LAMA4: variants seen among roughly 807,000 people sequenced by gnomAD.
LAMA4 encodes laminin subunit alpha-4.
A neutral mutation model predicts 207.1 loss-of-function variants in LAMA4; 127 were observed. The ratio of observed to expected loss-of-function variants is 0.61; its 90% CI spans 0.53 to 0.71. LAMA4 has a LOEUF of 0.71. Among genes scored for constraint, LAMA4 ranks in the 30% least tolerant of loss-of-function variants. The pLI is 0.00. For missense variants in LAMA4, 2,093 were observed against 2,246.5 expected, an observed-to-expected ratio of 0.93 and a Z score of 1.38; for synonymous variants, 761 against 816.0, an observed-to-expected ratio of 0.93 and a Z score of 1.15.
chr6:112,149,139 T>C (rs1264234604), intron 17 of LAMA4, among the ~76,000 whole-genome samples: 3 of 136,926 alleles, frequency 2.2e-5, no homozygotes, highest in Non-Finnish European at 3.1e-5. Flanking sequence ...CTTAATTTAA[T>C]AATATATAAA....
chr6:112,202,390 C>T (rs1783802079), intron 4 of LAMA4, among the ~76,000 whole-genome samples: 1 of 151,976 alleles, frequency 6.6e-6, no homozygotes, highest in African/African-American at 2.4e-5. Flanking sequence ...GGGTTATGGT[C>T]TCCACGTGTT....
At position 112,130,300 on chromosome 6, in the gene LAMA4, T is replaced by TGTGTG. The variant is rs59700559; in HGVS notation, c.3969-261_3969-260insCACAC. ...AGATGACTAGTCATCAGCATTATTT[T>TGTGTG]TGTGTGTGTGTGTGTGTGTGTGTGT... On this transcript the variant is annotated intron_variant, in intron 29 of 38. Transcript: ENST00000230538. The TGTGTG allele has an allele frequency of 0.011, 4,186 of 382,114 alleles. 147 individuals are homozygous for TGTGTG. The highest frequency in any genetic ancestry group is 0.081 in the African/African-American group (3,773 of 46,702). 23.7% of individuals were successfully genotyped at this position (382,114 alleles called of 1,614,324 possible).
chr6:112,144,861 C>G lies in LAMA4; in HGVS notation c.2426G>C (p.Ser809Thr). The change falls in exon 19 of 39, where the codon AGC becomes ACC. Residue 809 changes from serine to threonine, a missense_variant. This residue lies in a region of LAMA4 where 1,704 missense variants were observed against 1,788.4 expected (regional missense o/e 0.95). Transcript: ENST00000230538. ...CCTCTGGATGCTGGCAGAAACGTTG[C>G]TTGCAGGTCGCTTCTGCTCAACCGT... is the stretch of plus-strand genomic sequence containing the variant. ...LRTVEQKRPA[S>T]NVSASIQRIR... is the part of the protein sequence containing the mutation. 6.2e-7 allele frequency: 1 copy of G among 1,614,012 alleles called. No individual in the cohort carries two copies. Among genetic ancestry groups the G allele is most frequent in the Non-Finnish European group, 8.5e-7 (1 of 1,180,014 alleles).
intron 4 of LAMA4, 151 bp downstream of exon 4, chr6:112,206,870 C>A: frequency 1.1e-6 from 1 of 881,040 alleles, no homozygotes; most frequent in Non-Finnish European, 1.8e-6. Flanking sequence ...GGACTAGAAA[C>A]TTTTTCTATA....
At position 112,221,437 on chromosome 6, in the gene LAMA4, G is replaced by C. The variant is rs12523730; in HGVS notation, c.196-4968C>G. On this transcript the variant is annotated intron_variant, in intron 2 of 38. Transcript: ENST00000230538. ...GTTTATTGAGGCTCCAAATAGAAAGGATAAAAACAAAAACAAACCCAAAAT... is the reference window on the plus strand; with the variant it reads ...GTTTATTGAGGCTCCAAATAGAAAGCATAAAAACAAAAACAAACCCAAAAT... 8.6e-3 allele frequency among the ~76,000 whole-genome samples: 1,306 copies of C among 152,152 alleles called. 26 individuals carry two copies. The highest frequency in any genetic ancestry group is 0.029 in the African/African-American group (1,215 of 41,530).
In LAMA4 at chr6:112,178,135, C is replaced by T; in HGVS notation, c.1175G>A (p.Arg392Lys). 3 of 1,610,866 alleles carry T rather than the reference C, an allele frequency of 1.9e-6. No homozygotes were observed. The South Asian group carries it at 3.3e-5, about 18-fold the overall frequency. Residue 392 changes from arginine to lysine, a missense_variant, in exon 10 of 39, where the codon AGG (arginine) becomes AAG (lysine). Arg to Lys is a conservative substitution (Grantham distance 26). Coordinates refer to ENST00000230538, the MANE Select transcript of LAMA4 (RefSeq NM_001105206.3). ...AATATATTTACCTTGGATTTTATCC[C>T]TCATATCATGGGCTTGCTCTACCAG... is the stretch of plus-strand genomic sequence containing the variant. The part of the protein sequence containing the change: ...SQLVEQAHDM[R>K]DKIQEINNKM...
intron 7 of LAMA4, 50 bp downstream of exon 7, chr6:112,189,060 C>A (rs782590427): frequency 1.3e-5 from 17 of 1,309,530 alleles, no homozygotes; most frequent in Admixed American, 8.5e-5. Flanking sequence ...CCCACACCTG[C>A]AGCACATTAG....
chr6:112,240,145 A>G (rs2114354231), intron 2 of LAMA4, among the ~76,000 whole-genome samples: 1 of 152,360 alleles, frequency 6.6e-6, no homozygotes, highest in East Asian at 1.9e-4. Flanking sequence ...GAAACATTTT[A>G]AAAGGTAAAC....
chr6:112,178,357 T>C (rs558322964), intron 9 of LAMA4, 125 bp from the exon 10 acceptor site: 2 of 722,146 alleles, frequency 2.8e-6, no homozygotes, highest in East Asian at 5.4e-5. Context: ...GTGAAAGTTC[T>C]ATAACACATG....
chr6:112,242,912 G>A (rs1583998596), intron 2 of LAMA4, among the ~76,000 whole-genome samples: 2 of 152,062 alleles, frequency 1.3e-5, no homozygotes, highest in African/African-American at 4.8e-5. Context: ...CTTTCTCATT[G>A]AGTAAAAATA....
intron 2 of LAMA4, chr6:112,251,272 T>C (rs553070743): frequency 6.6e-6 from 1 of 152,172 alleles, no homozygotes; most frequent in Non-Finnish European, 1.5e-5. Flanking sequence ...GCATATTTCA[T>C]GTATTTGTTC....
intron 19 of LAMA4, among the ~76,000 whole-genome samples, chr6:112,143,034 G>T (rs997092106): frequency 2.6e-5 from 4 of 152,190 alleles, no homozygotes; most frequent in African/African-American, 9.7e-5. Context: ...AATTCAGTAA[G>T]TGCATTTCTA....
At chr6:112,125,291 A>G (rs1554327250) in intron 31 of LAMA4, among the ~76,000 whole-genome samples, 2 of 152,126 alleles carry the variant, frequency 1.3e-5, no homozygotes, top group East Asian at 1.9e-4. Context: ...TTTCTGTTCA[A>G]TGGCCAGCTC....
Position 112,120,328 on chromosome 6 carries a change from C to T in LAMA4, c.4620G>A (p.Leu1540=). 6.2e-7 allele frequency: 1 copy of T among 1,613,978 alleles called. No individual in the cohort carries two copies. Among genetic ancestry groups the T allele is most frequent in the Non-Finnish European group, 8.5e-7 (1 of 1,179,976 alleles). ...TGTATTTCTCCTGGCTTCTAATCTT[C>T]AGTTTTTTGTGACCAACATTAAACA... is the stretch of plus-strand genomic sequence containing the variant. ...VYMFNVGHKK[L]KIRSQEKYND... is the part of the protein sequence containing the mutation. Residue 1540 remains leucine (L), a synonymous_variant, in exon 33 of 39, where the codon CTG becomes CTA. Transcript: ENST00000230538.
intron 2 of LAMA4, among the ~76,000 whole-genome samples, chr6:112,232,751 C>T (rs1554364790): frequency 6.6e-6 from 1 of 151,994 alleles, no homozygotes; most frequent in Non-Finnish European, 1.5e-5. Flanking sequence ...TGGGGTGCAA[C>T]AAATCTAGTA....
intron 13 of LAMA4, among the ~76,000 whole-genome samples, chr6:112,162,965 C>CTTTTTTTTTTTTT (rs34824903): frequency 7.7e-5 from 7 of 91,248 alleles, no homozygotes; most frequent in African/African-American, 3.2e-4. Flanking sequence ...CAGCTCAAAT[C>CTTTTTTTTTTTTT]TTTTTTTTTT....
rs1266210572 is a variant in LAMA4, at chr6:112,207,232, A to G, written c.298-87T>C. The G allele has an allele frequency of 5.6e-6, 8 of 1,432,942 alleles. No individual in the cohort carries two copies. In the Admixed American group the frequency reaches 8.4e-5, roughly 15 times the overall value. The allele number at this position is 1,432,942 out of a possible 1,614,324, so 88.8% of individuals were successfully genotyped here. ...CTAAGCATCATGCAATACTTTTTCA[A>G]GCAAAAGGGACATCAGATCAGACAG... On this transcript the variant is annotated intron_variant, in intron 3 of 38. Transcript: ENST00000230538.
chr6:112,220,033 G>A (rs1413882265), intron 2 of LAMA4, among the ~76,000 whole-genome samples: 1 of 152,114 alleles, frequency 6.6e-6, no homozygotes, highest in Non-Finnish European at 1.5e-5. Context: ...TTTCAAAGCA[G>A]GCTGAAATGG....
intron 11 of LAMA4, among the ~76,000 whole-genome samples, chr6:112,174,623 G>C (rs1781913367): frequency 6.6e-6 from 1 of 152,180 alleles, no homozygotes; most frequent in Non-Finnish European, 1.5e-5. Flanking sequence ...CTCCCTAGTA[G>C]CTGGGACTAC....
Sources: gnomAD v4.1 joint callset for allele counts (sites outside exome capture counted in the v4.1 genomes callset) on GRCh38, gnomAD v4.1.1 for gene constraint, gnomAD v4.1.1 regional missense constraint, MANE v1.5 for transcripts, NCBI Gene and HGNC (gene_info 2026-07-23, HGNC 2026-07-21) for gene names.